The following LRP2BP variants were observed in gnomAD, a reference collection of about 807,000 sequenced individuals.
The protein encoded by LRP2BP is LRP2 binding protein, also known as LRP2-binding protein.
A neutral mutation model predicts 45.2 loss-of-function variants in LRP2BP; 38 were observed. That is an observed-to-expected ratio of 0.84 (90% CI 0.65 to 1.10). The LOEUF is 1.10. Ranked by LOEUF, LRP2BP falls within the 50% of genes least tolerant of loss-of-function variation. The pLI is 0.00. For synonymous variants in LRP2BP, 153 were observed against 153.9 expected, an observed-to-expected ratio of 0.99 and a Z score of 0.04; for missense variants, 385 against 418.9, an observed-to-expected ratio of 0.92 and a Z score of 0.71.
intron 3 of LRP2BP, among the ~76,000 whole-genome samples, chr4:185,376,285 T>C (rs2095437164): frequency 6.6e-6 from 1 of 152,012 alleles, no homozygotes; most frequent in Non-Finnish European, 1.5e-5. Context: ...AATACAAACA[T>C]ACTTTTTTTT....
intron 2 of LRP2BP, 132 bp from the exon 3 acceptor site, chr4:185,377,150 C>T (rs2095440853): frequency 1.5e-6 from 1 of 682,846 alleles, no homozygotes; most frequent in Admixed American, 2.4e-5. Context: ...TACAACTGGC[C>T]TCCTTAGCTC....
intron 4 of LRP2BP, 33 bp downstream of exon 4, chr4:185,375,580 A>G (rs781498688): frequency 1.6e-6 from 2 of 1,235,580 alleles, no homozygotes; most frequent in African/African-American, 3.2e-5. Context: ...TGACAATGAA[A>G]TCTTAACCAC....
chr4:185,392,583 T>C (rs549369062), intron 1 of LRP2BP, among the ~76,000 whole-genome samples: 1 of 152,056 alleles, frequency 6.6e-6, no homozygotes, highest in African/African-American at 2.4e-5. Flanking sequence ...ATTCAAGTCA[T>C]CTTAAATCTG....
At chr4:185,368,050 C>T (rs28593690) in intron 8 of LRP2BP, among the ~76,000 whole-genome samples, 14,649 of 151,974 alleles carry the variant, frequency 0.096, 854 homozygotes, top group African/African-American at 0.16. Context: ...TGGTGGTGGG[C>T]GCCTGTGGTG....
intron 1 of LRP2BP, among the ~76,000 whole-genome samples, chr4:185,383,142 G>A (rs955661197): frequency 2.0e-5 from 3 of 152,032 alleles, no homozygotes; most frequent in African/African-American, 7.3e-5. Flanking sequence ...TCTTTTATAG[G>A]CAACCTTGCA....
At chr4:185,386,003 A>G (rs1344058948) in intron 1 of LRP2BP, among the ~76,000 whole-genome samples, 1 of 152,096 alleles carries the variant, frequency 6.6e-6, no homozygotes, top group Non-Finnish European at 1.5e-5. Flanking sequence ...TTCTCAGGGA[A>G]GATACAGATT....
chr4:185,391,861 C>T (rs2095489234), intron 1 of LRP2BP, among the ~76,000 whole-genome samples: 1 of 152,174 alleles, frequency 6.6e-6, no homozygotes, highest in African/African-American at 2.4e-5. Flanking sequence ...GCTTTAGGCC[C>T]TCTCACAGCA....
chr4:185,374,102 A>G, intron 6 of LRP2BP, 33 bp downstream of exon 6: 2 of 1,543,804 alleles, frequency 1.3e-6, no homozygotes, highest in Non-Finnish European at 1.8e-6. Flanking sequence ...TAATCTAAAT[A>G]TAACACTAGC....
chr4:185,377,855 CCTGAGAGTA>C (rs1480010265), intron 2 of LRP2BP: 11 of 447,310 alleles, frequency 2.5e-5, no homozygotes, highest in Middle Eastern at 1.2e-3. Context: ...GTCCTTAAGT[CCTGAGAGTA>C]AAATCAAGAC....
At chr4:185,386,098 C>T (rs56196553) in intron 1 of LRP2BP, among the ~76,000 whole-genome samples, 11,812 of 152,142 alleles carry the variant, frequency 0.078, 703 homozygotes, top group African/African-American at 0.16. Context: ...AACAAAGAGT[C>T]GTGGTATCAC....
intron 4 of LRP2BP, 103 bp downstream of exon 4, chr4:185,375,510 A>ATGTGTG (rs1554018449): frequency 1.6e-5 from 1 of 63,432 alleles, no homozygotes; most frequent in African/African-American, 9.3e-5. Context: ...ATATATATAT[A>ATGTGTG]TATATGTATA....
At chr4:185,374,691 A>G (rs1033021114) in intron 4 of LRP2BP, among the ~76,000 whole-genome samples, 2 of 152,144 alleles carry the variant, frequency 1.3e-5, no homozygotes, top group Non-Finnish European at 2.9e-5. Context: ...TCTGGGATAT[A>G]AGAAATTTCC....
In LRP2BP at chr4:185,375,120, TTTTG is replaced by T. The variant is rs963328241; in HGVS notation, c.330+489_330+492del. On this transcript the variant is annotated intron_variant, in intron 4 of 8. Coordinates refer to ENST00000505916, the MANE Select transcript of LRP2BP (RefSeq NM_001377440.1). ...ATTGGACAATCAAATATATTTTGGT[TTTTG>T]TTTGTTTGAGACAGAGTCTTGCTCT... Among the ~76,000 whole-genome samples, 8 of 151,856 alleles carry T rather than the reference TTTTG, an allele frequency of 5.3e-5. No homozygotes were observed. The East Asian group carries it at 1.2e-3, about 23-fold the overall frequency.
At chr4:185,371,020 C>G in intron 7 of LRP2BP, 1 of 502,766 alleles carries the variant, frequency 2.0e-6, no homozygotes. Context: ...CTTCACATGT[C>G]TCTGTAATTA....
intron 1 of LRP2BP, among the ~76,000 whole-genome samples, chr4:185,386,191 A>C (rs1177176011): frequency 6.6e-6 from 1 of 152,234 alleles, no homozygotes; most frequent in Non-Finnish European, 1.5e-5. Context: ...AAAGAAGCAT[A>C]ATTATCTTTC....
At chr4:185,373,915 T>C (rs1289472061) in intron 6 of LRP2BP, among the ~76,000 whole-genome samples, 1 of 152,186 alleles carries the variant, frequency 6.6e-6, no homozygotes, top group Non-Finnish European at 1.5e-5. Context: ...TACTATAGTA[T>C]ACAAAATACT....
At chr4:185,380,833 C>CTT (rs1426891438) in intron 1 of LRP2BP, among the ~76,000 whole-genome samples, 1 of 151,808 alleles carries the variant, frequency 6.6e-6, no homozygotes, top group Admixed American at 6.6e-5. Flanking sequence ...GATTTTCCAT[C>CTT]GTTTTTTTTC....
chr4:185,391,118 G>A lies in LRP2BP; in HGVS notation c.-22+3661C>T, dbSNP rs144053114. On this transcript the variant is annotated intron_variant, in intron 1 of 8. Coordinates refer to ENST00000505916, the MANE Select transcript of LRP2BP (RefSeq NM_001377440.1). ...TTTTTCATAACCTTCACAGTTTTGA[G>A]GAATACTAGCCGTGTATCCTAAAGA... Among the ~76,000 whole-genome samples the A allele has an allele frequency of 9.4e-3, 1,433 of 152,276 alleles. 20 individuals are homozygous for A. Among genetic ancestry groups the A allele is most frequent in the African/African-American group, 0.032 (1,340 of 41,538 alleles).
chr4:185,371,371 C>G (rs1019053363), intron 7 of LRP2BP, among the ~76,000 whole-genome samples: 1 of 151,622 alleles, frequency 6.6e-6, no homozygotes, highest in Non-Finnish European at 1.5e-5. Context: ...AACCCCGTCT[C>G]TACTAAAAAA....
Sources: gnomAD v4.1 joint callset for allele counts (sites outside exome capture counted in the v4.1 genomes callset) on GRCh38, gnomAD v4.1.1 for gene constraint, MANE v1.5 for transcripts, NCBI Gene and HGNC (gene_info 2026-07-23, HGNC 2026-07-21) for gene names.